The following DNAAF3 variants were observed in gnomAD, a reference collection of about 807,000 sequenced individuals.
The protein encoded by DNAAF3 is UPF0470 protein C19orf51.
DNAAF3 carries 40 observed loss-of-function variants against 50.9 expected under a neutral mutation model. That is an observed-to-expected ratio of 0.79 (90% CI 0.61 to 1.02). The LOEUF is 1.02. Among genes scored for constraint, DNAAF3 ranks in the 50% least tolerant of loss-of-function variants. The pLI is 0.00. For synonymous variants in DNAAF3, 327 were observed against 322.8 expected (o/e 1.01, Z -0.14); for missense variants, 763 against 744.7 (o/e 1.02, Z -0.29).
chr19:55,164,672 C>G (rs1474190998), intron 4 of DNAAF3, among the ~76,000 whole-genome samples: 2 of 151,764 alleles, frequency 1.3e-5, no homozygotes, highest in Non-Finnish European at 2.9e-5. Context: ...CTACAGGCGC[C>G]TGCCACCACA....
chr19:55,160,446 G>T lies in DNAAF3; in HGVS notation c.1048+194C>A, dbSNP rs1205387255. On this transcript the variant is annotated intron_variant, in intron 9 of 11. Coordinates refer to ENST00000524407, the MANE Select transcript of DNAAF3 (RefSeq NM_001256715.2). This position sits in a 1 kb window ranked among gnomAD's most constrained non-coding sequence, Gnocchi z 4.7. ...GCTTAGCCCTCTGCAGATAAGATTA[G>T]AATTCTGCTAGTGGAATTCAGAATT... Among the ~76,000 whole-genome samples, 1 of 152,226 alleles carries T rather than the reference G, an allele frequency of 6.6e-6. No homozygotes were observed. Among genetic ancestry groups the T allele is most frequent in the Non-Finnish European group, 1.5e-5 (1 of 68,042 alleles).
At chr19:55,162,376 A>G (rs1253028643) in intron 4 of DNAAF3, 86 bp from the exon 5 acceptor site, 2 of 1,226,324 alleles carry the variant, frequency 1.6e-6, no homozygotes, top group African/African-American at 1.6e-5. Context: ...TGTCATAGTC[A>G]TCTAATGAAA....
Position 55,166,593 on chromosome 19 carries a change from C to A in DNAAF3, c.-75G>T. ...TGCAGCACTGTGGACCCGCGGCACT[C>A]CACAACCGCTGCCCAGAGTCCCCGC... On this transcript the variant is annotated 5_prime_UTR_variant, in exon 1 of 12. Transcript: ENST00000524407. This position sits in a 1 kb window ranked among gnomAD's most constrained non-coding sequence, Gnocchi z 4.0. 6.2e-7 allele frequency: 1 copy of A among 1,614,196 alleles called. No homozygotes were observed.
intron 11 of DNAAF3, 32 bp from the exon 12 acceptor site, chr19:55,159,481 A>C: frequency 6.2e-7 from 1 of 1,606,294 alleles, no homozygotes; most frequent in South Asian, 1.1e-5. Flanking sequence ...TCAGGGACCC[A>C]GATTTTGATC....
Position 55,161,875 on chromosome 19 carries a change from G to A in DNAAF3, c.481-50C>T. On this transcript the variant is annotated intron_variant, in intron 5 of 11. Coordinates refer to ENST00000524407, the MANE Select transcript of DNAAF3 (RefSeq NM_001256715.2). The surrounding 1 kb of genome is among the most constrained non-coding windows in gnomAD (Gnocchi z 6.4). ...ACAGAGGAAGGCAGAGAGGGATGCAGGGAGAGCGGATTCTAATTGACCCTC... is the reference window on the plus strand; with the variant it reads ...ACAGAGGAAGGCAGAGAGGGATGCAAGGAGAGCGGATTCTAATTGACCCTC... The A allele has an allele frequency of 1.4e-6, 2 of 1,390,238 alleles. No individual in the cohort carries two copies. The highest frequency in any genetic ancestry group is 5.8e-5 in the East Asian group (2 of 34,208). The allele number at this position is 1,390,238 out of a possible 1,614,324, so 86.1% of individuals were successfully genotyped here.
In DNAAF3 at chr19:55,160,394, A is replaced by G. The variant is rs1293073007; in HGVS notation, c.1048+246T>C. ...GCTGTCCAAGGGGGAGCTGGGACCC[A>G]GCACCCTGTGAGAATATTCTTGGAT... On this transcript the variant is annotated intron_variant, in intron 9 of 11. Coordinates refer to ENST00000524407, the MANE Select transcript of DNAAF3 (RefSeq NM_001256715.2). This position sits in a 1 kb window ranked among gnomAD's most constrained non-coding sequence, Gnocchi z 4.7. Among the ~76,000 whole-genome samples, 3 of 152,224 alleles carry G rather than the reference A, an allele frequency of 2.0e-5. No homozygotes were observed. Among genetic ancestry groups the G allele is most frequent in the Admixed American group, 6.5e-5 (1 of 15,286 alleles).
Position 55,160,721 on chromosome 19 carries a change from C to A in DNAAF3, c.967G>T (p.Ala323Ser). ...CCGGTGGCTCTCGCGCGCCCCCAGG[C>A]GGCCACGTCGCGGAGCAGCTCCGTC... is the stretch of plus-strand genomic sequence containing the variant. ...NVTELLRDVAAWGRARATGGD... is the reference protein window; with the variant it reads ...NVTELLRDVASWGRARATGGD... Residue 323 changes from alanine (A) to serine (S), a missense_variant, in exon 9 of 12, where the codon GCC becomes TCC. Coordinates refer to ENST00000524407, the MANE Select transcript of DNAAF3 (RefSeq NM_001256715.2). This position sits in a 1 kb window ranked among gnomAD's most constrained non-coding sequence, Gnocchi z 4.7. 1 of 1,613,128 alleles carries A rather than the reference C, an allele frequency of 6.2e-7. No homozygotes were observed. The highest frequency in any genetic ancestry group is 8.5e-7 in the Non-Finnish European group (1 of 1,179,890).
At chr19:55,164,759 G>A (rs373040042) in intron 4 of DNAAF3, among the ~76,000 whole-genome samples, 4 of 151,960 alleles carry the variant, frequency 2.6e-5, no homozygotes, top group Admixed American at 6.6e-5. Context: ...TCCTGACCTC[G>A]TGATCTGCCC....
intron 4 of DNAAF3, among the ~76,000 whole-genome samples, chr19:55,164,278 C>T (rs1433936138): frequency 2.0e-5 from 3 of 152,126 alleles, no homozygotes; most frequent in Admixed American, 6.5e-5. Context: ...GTCAGCATCT[C>T]GAGACCATCC....
upstream of DNAAF3, chr19:55,166,676 AC>A: frequency 6.3e-7 from 1 of 1,599,306 alleles, no homozygotes. The surrounding 1 kb of genome is among the most constrained non-coding windows in gnomAD (Gnocchi z 4.0). Flanking sequence ...CGAGCAACTG[AC>A]CAATGAGAGT....
chr19:55,160,054 G>T lies in DNAAF3; in HGVS notation c.1049-41C>A, dbSNP rs758557947. 4 of 1,408,122 alleles carry T rather than the reference G, an allele frequency of 2.8e-6. No individual in the cohort carries two copies. Among genetic ancestry groups the T allele is most frequent in the Non-Finnish European group, 4.0e-6 (4 of 994,940 alleles). The allele number at this position is 1,408,122 out of a possible 1,614,324, so 87.2% of individuals were successfully genotyped here. ...AGAGGGGTCACCTCTGACAGGCGGAGCCATAAGGGCGGAAAACCAGAGAGA... is the reference window on the plus strand; with the variant it reads ...AGAGGGGTCACCTCTGACAGGCGGATCCATAAGGGCGGAAAACCAGAGAGA... On this transcript the variant is annotated intron_variant, in intron 9 of 11. Transcript: ENST00000524407. The surrounding 1 kb of genome is among the most constrained non-coding windows in gnomAD (Gnocchi z 4.7).
rs6146559 is a variant in DNAAF3, at chr19:55,160,605, AGTCCCTGGCTTACCTGTTGTT to A, written c.1048+14_1048+34del. 0.049 allele frequency: 78,479 copies of A among 1,612,744 alleles called. 6,144 individuals carry two copies. The highest frequency in any genetic ancestry group is 0.32 in the Admixed American group (19,085 of 59,782). On this transcript the variant is annotated intron_variant, in intron 9 of 11. Transcript: ENST00000524407. The surrounding 1 kb of genome is among the most constrained non-coding windows in gnomAD (Gnocchi z 4.7). ...CCAGTGTGAAACACCTGGAGGCTGG[AGTCCCTGGCTTACCTGTTGTT>A]GTCCCTGGCTTACCTGGAGTCCCTG...
Position 55,160,572 on chromosome 19 carries a change from T to C in DNAAF3, c.1048+68A>G, listed in dbSNP as rs1471747200. 3 of 1,610,246 alleles carry C rather than the reference T, an allele frequency of 1.9e-6. No homozygotes were observed. Among genetic ancestry groups the C allele is most frequent in the Non-Finnish European group, 2.5e-6 (3 of 1,179,040 alleles). ...GCCCAGGCATTCCAAATCATGTCAG[T>C]CCACACTCCAGTGTGAAACACCTGG... On this transcript the variant is annotated intron_variant, in intron 9 of 11. Coordinates refer to ENST00000524407, the MANE Select transcript of DNAAF3 (RefSeq NM_001256715.2). The surrounding 1 kb of genome is among the most constrained non-coding windows in gnomAD (Gnocchi z 4.7).
chr19:55,162,997 CTTTTTTTT>C (rs576178532), intron 4 of DNAAF3, among the ~76,000 whole-genome samples: 4,163 of 91,718 alleles, frequency 0.045, 34 homozygotes, highest in Middle Eastern at 0.15. Context: ...TTTTCTTTTT[CTTTTTTTT>C]TTTTTTTTTT....
chr19:55,162,235 C>T lies in DNAAF3; in HGVS notation c.378G>A (p.Val126=), dbSNP rs759904558. ...CGGCCTGGGCACGCACGAAGGCGGC[C>T]ACTGGCGGGCGCAGCAGCGCGTTCC... is the stretch of plus-strand genomic sequence containing the variant. ...VWGNALLRPP[V]AAFVRAQADL... Residue 126 remains valine, a synonymous_variant, in exon 5 of 12, where the codon GTG becomes GTA. Transcript: ENST00000524407. The T allele has an allele frequency of 1.9e-5, 24 of 1,249,528 alleles. No homozygotes were observed. Among genetic ancestry groups the T allele is most frequent in the Non-Finnish European group, 2.4e-5 (24 of 989,652 alleles). 77.4% of individuals were successfully genotyped at this position (1,249,528 alleles called of 1,614,324 possible).
intron 3 of DNAAF3, 144 bp downstream of exon 3, chr19:55,165,714 C>T (rs1217863325): frequency 6.5e-6 from 9 of 1,381,106 alleles, no homozygotes; most frequent in Admixed American, 2.1e-5. Context: ...TCCCCCAAGA[C>T]GCATCGGTTC....
chr19:55,165,902 G>A lies in DNAAF3; in HGVS notation c.184C>T (p.Arg62Trp), dbSNP rs1342991518. The change falls in exon 3 of 12, where the codon CGG (arginine) becomes TGG (tryptophan). Residue 62 changes from arginine (R) to tryptophan (W), a missense_variant. Transcript: ENST00000524407. ...CAGAACTTCGCTCGGGACAGGGTCC[G>A]CAGCAGGTGCCGTCCATCCACAGAG... Reference protein sequence around the residue: ...LGSVDGRHLLRTLSRAKFWPR... With the variant: ...LGSVDGRHLLWTLSRAKFWPR... 1.2e-5 allele frequency: 19 copies of A among 1,614,038 alleles called. No individual in the cohort carries two copies. The highest frequency in any genetic ancestry group is 1.6e-5 in the Non-Finnish European group (19 of 1,180,034).
In DNAAF3 at chr19:55,159,153, T is replaced by A; in HGVS notation, c.1535A>T (p.Glu512Val). Residue 512 changes from glutamate (E) to valine (V), a missense_variant, in exon 12 of 12, where the codon GAG (glutamate) becomes GTG (valine). Coordinates refer to ENST00000524407, the MANE Select transcript of DNAAF3 (RefSeq NM_001256715.2). ...PHCEPCQLPSESPGSLSEVLA... is the reference protein window; with the variant it reads ...PHCEPCQLPSVSPGSLSEVLA... ...AACCTCTGAGAGTGAACCTGGAGAC[T>A]CAGAGGGCAGCTGGCAGGGCTCACA... 1 of 1,613,710 alleles carries A rather than the reference T, an allele frequency of 6.2e-7. No homozygotes were observed. The highest frequency in any genetic ancestry group is 8.5e-7 in the Non-Finnish European group (1 of 1,180,018).
Position 55,159,971 on chromosome 19 carries a change from A to G in DNAAF3, c.1091T>C (p.Leu364Pro), listed in dbSNP as rs748736371. ...PESFTVHFLP[L>P]NSAQTLHHKS... The stretch of plus-strand genomic sequence containing the variant: ...GTGGTGGAGAGTCTGAGCAGAATTG[A>G]GCGGCAGGAAGTGGACGGTGAAAGA... Residue 364 changes from leucine (L) to proline (P), a missense_variant, in exon 10 of 12, where the codon CTC (leucine) becomes CCC (proline). Physicochemically the swap from Leu to Pro is moderately conservative, Grantham distance 98. Coordinates refer to ENST00000524407, the MANE Select transcript of DNAAF3 (RefSeq NM_001256715.2). 7 of 1,610,072 alleles carry G rather than the reference A, an allele frequency of 4.3e-6. No homozygotes were observed. The highest frequency in any genetic ancestry group is 2.2e-5 in the East Asian group (1 of 44,694).
Sources: allele counts gnomAD v4.1 joint callset (sites outside exome capture counted in the v4.1 genomes callset), GRCh38; gene constraint gnomAD v4.1.1; non-coding constraint Gnocchi (gnomAD v3.1); transcripts MANE v1.5; gene names NCBI Gene and HGNC (gene_info 2026-07-23, HGNC 2026-07-21).